SPAST: variants seen among roughly 807,000 people sequenced by gnomAD.
SPAST encodes the protein spastin.
In SPAST, 30 loss-of-function variants were observed where a neutral mutation model predicts 76.6. The observed-to-expected ratio is 0.39, with a 90% CI of 0.29 to 0.53. The LOEUF (loss-of-function observed/expected upper bound fraction) is 0.53, where lower values mean the gene tolerates loss of function less well. SPAST is among the 20% of genes least tolerant of loss of function. The probability of loss-of-function intolerance (pLI) is 0.68; values close to 1 mark genes in which losing one functional copy is unlikely to be tolerated. For missense variants in SPAST, 717 were observed against 770.5 expected (o/e 0.93, Z 0.82); for synonymous variants, 305 against 281.0 (o/e 1.09, Z -0.86).
chr2:32,154,340 C>G (rs909622380), intron 16 of SPAST, 34 bp from the exon 17 acceptor site: 1 of 1,591,940 alleles, frequency 6.3e-7, no homozygotes, highest in Non-Finnish European at 8.6e-7. Flanking sequence ...ACCTGTTGAT[C>G]ATTTGTATTG....
At chr2:32,088,679 A>G (rs995038925) in intron 2 of SPAST, among the ~76,000 whole-genome samples, 2 of 150,922 alleles carry the variant, frequency 1.3e-5, no homozygotes, top group African/African-American at 4.9e-5. Context: ...ATTTCATTTA[A>G]TTAAAAATGC....
chr2:32,064,390 G>T, intron 1 of SPAST, 144 bp downstream of exon 1: 1 of 736,560 alleles, frequency 1.4e-6, no homozygotes, highest in Non-Finnish European at 2.2e-6. Context: ...CTGCTTTCCC[G>T]TAGGTCGGAG....
At chr2:32,099,426 A>G (rs147314534) in intron 4 of SPAST, among the ~76,000 whole-genome samples, 14 of 152,302 alleles carry the variant, frequency 9.2e-5, no homozygotes, top group Admixed American at 2.6e-4. Flanking sequence ...TTGGATATCA[A>G]CTTCTACAGA....
At chr2:32,065,952 T>C in intron 1 of SPAST, 1 of 151,954 alleles carries the variant, frequency 6.6e-6, no homozygotes, top group Non-Finnish European at 1.5e-5. Context: ...TAGAAGGAAA[T>C]TTTTTGTTAA....
At chr2:32,101,955 C>A (rs917515039) in intron 4 of SPAST, among the ~76,000 whole-genome samples, 4 of 152,130 alleles carry the variant, frequency 2.6e-5, no homozygotes, top group African/African-American at 7.2e-5. Flanking sequence ...CTTGGCAATG[C>A]AGGCTCTTTT....
chr2:32,076,005 A>T (rs1444587888), intron 1 of SPAST, among the ~76,000 whole-genome samples: 11 of 142,822 alleles, frequency 7.7e-5, no homozygotes, highest in Admixed American at 6.7e-4. Context: ...GGTTGAAGTG[A>T]TTCTCCTGCC....
intron 16 of SPAST, among the ~76,000 whole-genome samples, chr2:32,153,318 ATTTTT>A (rs148901250): frequency 1.3e-5 from 1 of 79,250 alleles, no homozygotes; most frequent in Non-Finnish European, 2.5e-5. Context: ...TTTTGCCTTA[ATTTTT>A]TTTTTTTTTT....
intron 12 of SPAST, among the ~76,000 whole-genome samples, 185 bp downstream of exon 12, chr2:32,137,373 G>C (rs562978632): frequency 6.6e-6 from 1 of 152,192 alleles, no homozygotes; most frequent in African/African-American, 2.4e-5. Context: ...GATATCAGGA[G>C]AATTAGTCTA....
In SPAST at chr2:32,064,007, T is replaced by C. The variant is rs931354945; in HGVS notation, c.176T>C (p.Val59Ala). The change falls in exon 1 of 17, where the codon GTA becomes GCA. Residue 59 changes from valine (V) to alanine (A), a missense_variant. Val to Ala is a moderately conservative substitution (Grantham distance 64). Around this residue, in one of 3 missense-constraint regions of SPAST, gnomAD observed 543 missense variants for 445.2 expected, o/e 1.22. Transcript: ENST00000315285. ...TACTATTTCTCCTACCCGCTGTTTG[T>C]AGGCTTCGCGCTGCTGCGTTTGGTC... ...NLYYFSYPLFVGFALLRLVAF... is the reference protein window; with the variant it reads ...NLYYFSYPLFAGFALLRLVAF... The C allele has an allele frequency of 1.2e-6, 2 of 1,613,354 alleles. No individual in the cohort carries two copies. Among genetic ancestry groups the C allele is most frequent in the Non-Finnish European group, 1.7e-6 (2 of 1,179,598 alleles).
chr2:32,091,833 C>CA lies in SPAST; in HGVS notation c.586+2235dup, dbSNP rs769479836. Reference sequence around the variant, plus strand: ...TGGGCAAAAGAGCGAGACTCTGTCTCAAAAAAATAAAATAAAATAAATAGA... The same window carrying CA: ...TGGGCAAAAGAGCGAGACTCTGTCTCAAAAAAAATAAAATAAAATAAATAGA... On this transcript the variant is annotated intron_variant, in intron 3 of 16. Coordinates refer to ENST00000315285, the MANE Select transcript of SPAST (RefSeq NM_014946.4). Among the ~76,000 whole-genome samples, 27 of 145,700 alleles carry CA rather than the reference C, an allele frequency of 1.9e-4. No homozygotes were observed. The East Asian group carries it at 2.1e-3, about 12-fold the overall frequency.
intron 4 of SPAST, among the ~76,000 whole-genome samples, chr2:32,099,249 GAC>G (rs1341011111): frequency 1.3e-5 from 2 of 151,930 alleles, no homozygotes; most frequent in Non-Finnish European, 2.9e-5. Flanking sequence ...TGTTTTCTAA[GAC>G]ACATTTTAAT....
intron 4 of SPAST, among the ~76,000 whole-genome samples, chr2:32,106,015 G>A (rs1292319634): frequency 6.6e-6 from 1 of 152,208 alleles, no homozygotes. Context: ...TAAGTCTGTA[G>A]AAGTTACTGC....
At chr2:32,147,319 T>C in intron 16 of SPAST, 61 bp downstream of exon 16, 1 of 837,726 alleles carries the variant, frequency 1.2e-6, no homozygotes, top group East Asian at 2.8e-5. Flanking sequence ...ATATAAGACA[T>C]ACATATATGA....
intron 3 of SPAST, among the ~76,000 whole-genome samples, chr2:32,094,432 A>G (rs1677843245): frequency 6.6e-6 from 1 of 152,162 alleles, no homozygotes; most frequent in Non-Finnish European, 1.5e-5. Flanking sequence ...TGAGTTAGCC[A>G]TGATGATACC....
At position 32,141,924 on chromosome 2, in the gene SPAST, A is replaced by G. The variant is rs1293452152; in HGVS notation, c.1514A>G (p.Tyr505Cys). 1 of 1,612,750 alleles carries G rather than the reference A, an allele frequency of 6.2e-7. No homozygotes were observed. The highest frequency in any genetic ancestry group is 1.1e-5 in the South Asian group (1 of 91,032). ...AVLRRFIKRV[Y>C]VSLPNEETRL... ...TTTAGGCGTTTCATCAAACGGGTATATGTGTCTTTACCAAATGAGGAGGTA... is the reference window on the plus strand; with the variant it reads ...TTTAGGCGTTTCATCAAACGGGTATGTGTGTCTTTACCAAATGAGGAGGTA... Residue 505 changes from tyrosine (Y) to cysteine (C), a missense_variant, in exon 13 of 17, where the codon TAT becomes TGT. Physicochemically the swap from Tyr to Cys is radical, Grantham distance 194. This residue lies in a region of SPAST where 78 missense variants were observed against 197.6 expected (regional missense o/e 0.39). Transcript: ENST00000315285.
At chr2:32,125,149 C>G (rs888352139) in intron 7 of SPAST, among the ~76,000 whole-genome samples, 3 of 152,036 alleles carry the variant, frequency 2.0e-5, no homozygotes, top group African/African-American at 7.2e-5. Flanking sequence ...TATATGGGAA[C>G]TCTGTACTTT....
At chr2:32,096,021 C>G (rs1399019787) in intron 3 of SPAST, among the ~76,000 whole-genome samples, 1 of 152,194 alleles carries the variant, frequency 6.6e-6, no homozygotes. Flanking sequence ...GTAGATCACT[C>G]AGATGACTGT....
chr2:32,132,205 C>T (rs1431953092), intron 9 of SPAST, among the ~76,000 whole-genome samples: 1 of 152,024 alleles, frequency 6.6e-6, no homozygotes, highest in Non-Finnish European at 1.5e-5. Context: ...GGCTGGGCAA[C>T]ATGGCGAAAC....
chr2:32,106,729 T>G (rs1678337073), intron 4 of SPAST, among the ~76,000 whole-genome samples: 1 of 152,206 alleles, frequency 6.6e-6, no homozygotes, highest in African/African-American at 2.4e-5. Context: ...TAAGGACTTC[T>G]TATGTTGGTT....
Sources: allele counts gnomAD v4.1 joint callset (sites outside exome capture counted in the v4.1 genomes callset), GRCh38; gene constraint gnomAD v4.1.1; regional missense constraint gnomAD v4.1.1; transcripts MANE v1.5; gene names NCBI Gene and HGNC (gene_info 2026-07-23, HGNC 2026-07-21).